Variants in FAM124A observed in about 807,000 individuals in gnomAD.
FAM124A encodes protein FAM124A.
In FAM124A, 23 loss-of-function variants were observed where a neutral mutation model predicts 24.5. The ratio of observed to expected loss-of-function variants is 0.94; its 90% CI spans 0.68 to 1.33. FAM124A has a LOEUF of 1.33. Among genes scored for constraint, FAM124A ranks in the 40% most tolerant of loss-of-function variants. FAM124A has a pLI of 0.00. For synonymous variants in FAM124A, 287 were observed against 314.7 expected (o/e 0.91, Z 0.93); for missense variants, 623 against 722.8 (o/e 0.86, Z 1.58).
chr13:51,251,290 G>C lies in FAM124A; in HGVS notation c.101-178G>C, dbSNP rs140017654. Among the ~76,000 whole-genome samples the C allele has an allele frequency of 4.8e-3, 731 of 152,280 alleles. 7 individuals are homozygous for C. Among genetic ancestry groups the C allele is most frequent in the African/African-American group, 0.017 (699 of 41,536 alleles). On this transcript the variant is annotated intron_variant, in intron 2 of 3. Coordinates refer to ENST00000322475, the MANE Select transcript of FAM124A (RefSeq NM_001242312.2). The surrounding 1 kb of genome is among the most constrained non-coding windows in gnomAD (Gnocchi z 5.3). ...AGCCCTTTCCTCTTTGGCTGCTAAG[G>C]TGCTGGCATAGTAGTTTTTATAGGT...
chr13:51,235,992 T>C (rs1954431110), intron 2 of FAM124A, among the ~76,000 whole-genome samples: 1 of 152,218 alleles, frequency 6.6e-6, no homozygotes, highest in Non-Finnish European at 1.5e-5. Context: ...TCCTGCCCTC[T>C]TCCATTTTGG....
intron 3 of FAM124A, among the ~76,000 whole-genome samples, chr13:51,266,288 C>T (rs1340929498): frequency 6.6e-6 from 1 of 152,176 alleles, no homozygotes; most frequent in East Asian, 1.9e-4. Flanking sequence ...CTCTGTCCTC[C>T]TAAAGTAGGT....
In FAM124A at chr13:51,272,770, G is replaced by C. The variant is rs1166017532; in HGVS notation, c.835-7680G>C. Among the ~76,000 whole-genome samples, 1 of 151,262 alleles carries C rather than the reference G, an allele frequency of 6.6e-6. No homozygotes were observed. Among genetic ancestry groups the C allele is most frequent in the Non-Finnish European group, 1.5e-5 (1 of 68,046 alleles). ...GGTGGGAGTGCCATACTGGGCCCAG[G>C]AGGAAGAAGTGCAATCTGTGTTACA... On this transcript the variant is annotated intron_variant, in intron 3 of 3. Coordinates refer to ENST00000322475, the MANE Select transcript of FAM124A (RefSeq NM_001242312.2). This position sits in a 1 kb window ranked among gnomAD's most constrained non-coding sequence, Gnocchi z 4.2.
chr13:51,281,102 C>T lies in FAM124A; in HGVS notation c.1487C>T (p.Ala496Val). The change falls in exon 4 of 4, where the codon GCT (alanine) becomes GTT (valine). Residue 496 changes from alanine (A) to valine (V), a missense_variant. By Grantham distance (64) the Ala-to-Val change is moderately conservative. Coordinates refer to ENST00000322475, the MANE Select transcript of FAM124A (RefSeq NM_001242312.2). ...RSSSSSATAR[A>V]APPAPSTSTL... ...TCCAGCTCCTCAGCGACAGCTCGTGCTGCTCCCCCAGCTCCCAGCACCTCC... is the reference window on the plus strand; with the variant it reads ...TCCAGCTCCTCAGCGACAGCTCGTGTTGCTCCCCCAGCTCCCAGCACCTCC... The T allele has an allele frequency of 1.2e-6, 2 of 1,614,132 alleles. No homozygotes were observed. Among genetic ancestry groups the T allele is most frequent in the Non-Finnish European group, 1.7e-6 (2 of 1,180,030 alleles).
At position 51,280,569 on chromosome 13, in the gene FAM124A, C is replaced by T. The variant is rs1371354742; in HGVS notation, c.954C>T (p.Ser318=). ...TAVPSHTPGS[S]QQSPLNSPHP... ...TACCAAGCCATACACCTGGCAGCAG[C>T]CAGCAGTCCCCGCTCAACAGTCCTC... The change falls in exon 4 of 4, where the codon AGC becomes AGT. Residue 318 remains serine, a synonymous_variant. Transcript: ENST00000322475. The T allele has an allele frequency of 6.2e-7, 1 of 1,614,012 alleles. No individual in the cohort carries two copies. Among genetic ancestry groups the T allele is most frequent in the Non-Finnish European group, 8.5e-7 (1 of 1,180,040 alleles).
intron 3 of FAM124A, among the ~76,000 whole-genome samples, chr13:51,266,729 A>G (rs1954789744): frequency 6.6e-6 from 1 of 152,182 alleles, no homozygotes; most frequent in Non-Finnish European, 1.5e-5. Flanking sequence ...AGAGCCCTCC[A>G]CCATGCACCA....
intron 1 of FAM124A, among the ~76,000 whole-genome samples, 156 bp from the exon 2 acceptor site, chr13:51,231,192 C>T (rs78303373): frequency 1.3e-5 from 2 of 152,220 alleles, no homozygotes; most frequent in Non-Finnish European, 1.5e-5. Flanking sequence ...TCAGACATAA[C>T]TTTATTTTGC....
chr13:51,257,842 A>G (rs998809761), intron 3 of FAM124A, among the ~76,000 whole-genome samples: 9 of 152,106 alleles, frequency 5.9e-5, no homozygotes, highest in Middle Eastern at 3.4e-3. Context: ...CCGTTCCCCA[A>G]TCCTCAGCGC....
rs891190590 is a variant in FAM124A, at chr13:51,281,357, A to C, written c.*101A>C. ...GAGCACACCACATTCTTCATGATCCATTTCCCAGGAGCCCGTAGCACATTT... is the reference window on the plus strand; with the variant it reads ...GAGCACACCACATTCTTCATGATCCCTTTCCCAGGAGCCCGTAGCACATTT... On this transcript the variant is annotated 3_prime_UTR_variant, in exon 4 of 4. Transcript: ENST00000322475. 2 of 1,204,216 alleles carry C rather than the reference A, an allele frequency of 1.7e-6. No individual in the cohort carries two copies. Among genetic ancestry groups the C allele is most frequent in the African/African-American group, 3.1e-5 (2 of 65,280 alleles). The allele number at this position is 1,204,216 out of a possible 1,614,324, so 74.6% of individuals were successfully genotyped here.
At chr13:51,252,530 T>C in intron 3 of FAM124A, 1 of 369,754 alleles carries the variant, frequency 2.7e-6, no homozygotes. Context: ...GCTAGGGAAT[T>C]TGCTATTAAA....
intron 3 of FAM124A, among the ~76,000 whole-genome samples, chr13:51,260,398 C>T (rs1954722968): frequency 6.6e-6 from 1 of 152,218 alleles, no homozygotes; most frequent in South Asian, 2.1e-4. Context: ...ACCTCTGCTT[C>T]TTGCTGCCAG....
intron 3 of FAM124A, 44 bp from the exon 4 acceptor site, chr13:51,280,406 C>G: frequency 6.7e-7 from 1 of 1,493,358 alleles, no homozygotes; most frequent in African/African-American, 1.4e-5. Flanking sequence ...ATGCATTTAA[C>G]AATTCCCATC....
Position 51,252,159 on chromosome 13 carries a change from C to G in FAM124A, c.792C>G (p.Arg264=), listed in dbSNP as rs532318094. Residue 264 remains arginine, a synonymous_variant, in exon 3 of 4, where the codon CGC becomes CGG. Coordinates refer to ENST00000322475, the MANE Select transcript of FAM124A (RefSeq NM_001242312.2). ...CTTGCAGCCCCATCAGCGAGGGGCG[C>G]TGGCAGACGGAGGACCATGATGGGA... The part of the protein sequence containing the change: ...PNPCSPISEG[R]WQTEDHDGNK... The G allele has an allele frequency of 4.8e-5, 77 of 1,613,798 alleles. No homozygotes were observed. In the East Asian group the frequency reaches 1.6e-3, roughly 35 times the overall value.
intron 3 of FAM124A, among the ~76,000 whole-genome samples, chr13:51,278,558 C>G (rs1249699682): frequency 6.6e-6 from 1 of 152,194 alleles, no homozygotes; most frequent in Non-Finnish European, 1.5e-5. Flanking sequence ...TCCTCAAGCA[C>G]CTGCCTCCTG....
In FAM124A at chr13:51,280,464, T is replaced by C; in HGVS notation, c.849T>C (p.His283=). Residue 283 remains histidine, a synonymous_variant, in exon 4 of 4, where the codon CAT becomes CAC. Transcript: ENST00000322475. ...NKILLQAQRV[H]KKFPKPGRVH... is the part of the protein sequence containing the mutation. ...TCCCCCCACAGGCACAAAGGGTGCATAAGAAGTTTCCTAAACCTGGCAGAG... is the reference window on the plus strand; with the variant it reads ...TCCCCCCACAGGCACAAAGGGTGCACAAGAAGTTTCCTAAACCTGGCAGAG... The C allele has an allele frequency of 6.2e-7, 1 of 1,606,190 alleles. No individual in the cohort carries two copies. Among genetic ancestry groups the C allele is most frequent in the Non-Finnish European group, 8.5e-7 (1 of 1,175,292 alleles).
chr13:51,240,939 C>G (rs1261222621), intron 2 of FAM124A, among the ~76,000 whole-genome samples: 1 of 152,194 alleles, frequency 6.6e-6, no homozygotes, highest in Admixed American at 6.5e-5. Flanking sequence ...TCGTCTTCCT[C>G]CCACCAGAAG....
At chr13:51,227,841 AC>A (rs1414091069) in intron 1 of FAM124A, among the ~76,000 whole-genome samples, 2 of 152,116 alleles carry the variant, frequency 1.3e-5, no homozygotes, top group African/African-American at 4.8e-5. Flanking sequence ...TCTTTGGAGG[AC>A]CTCCAATTGA....
intron 3 of FAM124A, among the ~76,000 whole-genome samples, chr13:51,254,172 C>T (rs1024894729): frequency 1.3e-5 from 2 of 152,078 alleles, no homozygotes; most frequent in South Asian, 4.2e-4. Flanking sequence ...TCCCTGAGTG[C>T]CATTTTGAAC....
chr13:51,226,921 G>A (rs12429536), intron 1 of FAM124A, among the ~76,000 whole-genome samples: 2 of 151,962 alleles, frequency 1.3e-5, no homozygotes, highest in South Asian at 2.1e-4. Flanking sequence ...GAGGGATGAC[G>A]ATAGTAGTAC....
Sources: gnomAD v4.1 joint callset for allele counts (sites outside exome capture counted in the v4.1 genomes callset) on GRCh38, gnomAD v4.1.1 for gene constraint, Gnocchi (gnomAD v3.1) non-coding constraint, MANE v1.5 for transcripts, NCBI Gene and HGNC (gene_info 2026-07-23, HGNC 2026-07-21) for gene names.